The following MAP3K5 variants were observed in gnomAD, a reference collection of about 807,000 sequenced individuals.
MAP3K5 encodes the protein mitogen-activated protein kinase kinase kinase 5, also known as ASK-1.
Under a neutral mutation model 158.7 loss-of-function variants are expected in MAP3K5, and 56 were observed. The observed-to-expected ratio is 0.35, with a 90% CI of 0.28 to 0.44. MAP3K5 has a LOEUF of 0.44. Ranked by LOEUF, MAP3K5 falls within the 20% of genes least tolerant of loss-of-function variation. The probability of loss-of-function intolerance (pLI) is 1.00; values close to 1 mark genes in which losing one functional copy is unlikely to be tolerated. For missense variants in MAP3K5, 1,294 were observed against 1,674.8 expected, an observed-to-expected ratio of 0.77 and a Z score of 3.97; for synonymous variants, 579 against 601.7, an observed-to-expected ratio of 0.96 and a Z score of 0.55.
chr6:136,631,688 G>A (rs938412665), intron 14 of MAP3K5, among the ~76,000 whole-genome samples: 3 of 151,922 alleles, frequency 2.0e-5, no homozygotes, highest in Non-Finnish European at 4.4e-5. Context: ...TATTAGGTTG[G>A]TGCAAAAGTA....
At chr6:136,660,785 G>C (rs1192906159) in intron 8 of MAP3K5, among the ~76,000 whole-genome samples, 1 of 152,122 alleles carries the variant, frequency 6.6e-6, no homozygotes, top group Non-Finnish European at 1.5e-5. Flanking sequence ...ACTATCTCAG[G>C]AAAGTGACGC....
chr6:136,703,202 G>GA (rs888991104), intron 3 of MAP3K5, among the ~76,000 whole-genome samples: 1 of 152,164 alleles, frequency 6.6e-6, no homozygotes, highest in Non-Finnish European at 1.5e-5. Context: ...TTCAGCACCT[G>GA]AAACGCAACA....
intron 19 of MAP3K5, among the ~76,000 whole-genome samples, chr6:136,602,728 C>T (rs1477457245): frequency 6.6e-6 from 1 of 152,116 alleles, no homozygotes; most frequent in African/African-American, 2.4e-5. Flanking sequence ...TTCCTTGTTA[C>T]ACCAATGAGG....
At chr6:136,601,759 A>C (rs1775885664) in intron 20 of MAP3K5, 43 bp downstream of exon 20, 1 of 1,577,680 alleles carries the variant, frequency 6.3e-7, no homozygotes, top group Non-Finnish European at 8.6e-7. Context: ...AAAGCTTAGG[A>C]TTGAAGGACT....
intron 7 of MAP3K5, among the ~76,000 whole-genome samples, chr6:136,690,986 GT>G (rs567511165): frequency 9.4e-4 from 143 of 152,010 alleles, no homozygotes; most frequent in African/African-American, 3.1e-3. Flanking sequence ...GCTTGATTGG[GT>G]TTTTTTCTTT....
intron 23 of MAP3K5, among the ~76,000 whole-genome samples, chr6:136,588,336 T>G (rs1775229663): frequency 6.6e-6 from 1 of 152,202 alleles, no homozygotes; most frequent in African/African-American, 2.4e-5. Flanking sequence ...TTCGGCAAAC[T>G]ACTCAAGTCC....
At chr6:136,660,758 GA>G (rs1295763719) in intron 8 of MAP3K5, among the ~76,000 whole-genome samples, 1 of 152,190 alleles carries the variant, frequency 6.6e-6, no homozygotes, top group East Asian at 1.9e-4. Flanking sequence ...CATATGGGAA[GA>G]TAAGGCCACT....
At chr6:136,636,432 T>C (rs1193914199) in intron 14 of MAP3K5, among the ~76,000 whole-genome samples, 2 of 152,210 alleles carry the variant, frequency 1.3e-5, no homozygotes, top group African/African-American at 4.8e-5. Context: ...CCCAATGGAC[T>C]AAGTCACTTG....
At chr6:136,753,867 G>A (rs765297812) in intron 1 of MAP3K5, among the ~76,000 whole-genome samples, 40 of 152,238 alleles carry the variant, frequency 2.6e-4, no homozygotes, top group Non-Finnish European at 4.4e-4. Context: ...GCAGGGCTTT[G>A]AAGTAAAGGG....
At chr6:136,768,072 A>T (rs1166278017) in intron 1 of MAP3K5, among the ~76,000 whole-genome samples, 1 of 152,236 alleles carries the variant, frequency 6.6e-6, no homozygotes, top group East Asian at 1.9e-4. Context: ...TGGAGCAATG[A>T]CCTAACTGTA....
intron 1 of MAP3K5, among the ~76,000 whole-genome samples, chr6:136,756,456 C>CTGT (rs1323482065): frequency 6.6e-6 from 1 of 152,116 alleles, no homozygotes; most frequent in Non-Finnish European, 1.5e-5. Flanking sequence ...CTTTTTGTTG[C>CTGT]TGTTGTTGTT....
rs183006929 is a variant in MAP3K5 at position 136,770,336 on chromosome 6, C to T, written c.448+21374G>A. Among the ~76,000 whole-genome samples the T allele has an allele frequency of 1.8e-3, 278 of 152,220 alleles. 1 individual carries two copies. The highest frequency in any genetic ancestry group is 3.4e-3 in the Non-Finnish European group (233 of 68,010). ...GGCAAAGTAGAAAAGGTTAAATTATCTTCAGTATAATCCTTAAAAGCAAGG... is the reference window on the plus strand; with the variant it reads ...GGCAAAGTAGAAAAGGTTAAATTATTTTCAGTATAATCCTTAAAAGCAAGG... On this transcript the variant is annotated intron_variant, in intron 1 of 29. Coordinates refer to ENST00000359015, the MANE Select transcript of MAP3K5 (RefSeq NM_005923.4).
intron 8 of MAP3K5, among the ~76,000 whole-genome samples, chr6:136,668,893 G>A (rs555068057): frequency 6.2e-4 from 94 of 152,066 alleles, no homozygotes; most frequent in African/African-American, 2.2e-3. Flanking sequence ...ACAGATAAAG[G>A]AAACAGCAGA....
At chr6:136,770,259 C>T (rs1784143445) in intron 1 of MAP3K5, among the ~76,000 whole-genome samples, 1 of 152,036 alleles carries the variant, frequency 6.6e-6, no homozygotes, top group South Asian at 2.1e-4. Context: ...AATTATATTA[C>T]AGTATAATAC....
intron 7 of MAP3K5, among the ~76,000 whole-genome samples, chr6:136,691,662 T>C (rs935350787): frequency 6.6e-6 from 1 of 152,158 alleles, no homozygotes; most frequent in Non-Finnish European, 1.5e-5. Flanking sequence ...TCATTGGAAT[T>C]ATTAATGACT....
At chr6:136,683,655 T>C (rs191322832) in intron 7 of MAP3K5, among the ~76,000 whole-genome samples, 202 of 152,330 alleles carry the variant, frequency 1.3e-3, no homozygotes, top group African/African-American at 4.5e-3. Flanking sequence ...TTTTAAGTAA[T>C]AAAACAGAAT....
intron 26 of MAP3K5, among the ~76,000 whole-genome samples, chr6:136,565,294 T>TAA (rs1399658030): frequency 6.6e-6 from 1 of 152,202 alleles, no homozygotes; most frequent in East Asian, 1.9e-4. Context: ...GCCTTTCTGT[T>TAA]CCAAAAAAGT....
At chr6:136,655,248 A>G (rs1209500784) in intron 10 of MAP3K5, among the ~76,000 whole-genome samples, 1 of 152,224 alleles carries the variant, frequency 6.6e-6, no homozygotes, top group Non-Finnish European at 1.5e-5. Flanking sequence ...TTCTTTCACT[A>G]CATTTACTGC....
intron 7 of MAP3K5, among the ~76,000 whole-genome samples, chr6:136,677,589 T>C (rs1416377181): frequency 1.3e-5 from 2 of 152,332 alleles, no homozygotes; most frequent in African/African-American, 2.4e-5. Context: ...CTGCTCCACA[T>C]TGTCTTCCAT....
Sources: gnomAD v4.1 joint callset for allele counts (sites outside exome capture counted in the v4.1 genomes callset) on GRCh38, gnomAD v4.1.1 for gene constraint, MANE v1.5 for transcripts, NCBI Gene and HGNC (gene_info 2026-07-23, HGNC 2026-07-21) for gene names.